The following ELP4 variants were observed in gnomAD, a reference collection of about 807,000 sequenced individuals.
ELP4 encodes the protein elongator complex protein 4.
A neutral mutation model predicts 48.9 loss-of-function variants in ELP4; 51 were observed. The observed-to-expected ratio is 1.04, with a 90% CI of 0.83 to 1.32. The LOEUF (loss-of-function observed/expected upper bound fraction) is 1.32. ELP4 is among the 40% of genes most tolerant of loss of function. ELP4 has a pLI of 0.00. For synonymous variants in ELP4, 210 were observed against 189.2 expected (o/e 1.11, Z -0.90); for missense variants, 519 against 514.6 (o/e 1.01, Z -0.08).
intron 9 of ELP4, among the ~76,000 whole-genome samples, chr11:31,657,591 A>G (rs1945463588): frequency 6.6e-6 from 1 of 152,008 alleles, no homozygotes; most frequent in Non-Finnish European, 1.5e-5. Context: ...TTAAAAACAT[A>G]TATTTGGTAT....
intron 4 of ELP4, 66 bp from the exon 5 acceptor site, chr11:31,603,702 G>T: frequency 1.3e-6 from 2 of 1,539,302 alleles, no homozygotes; most frequent in South Asian, 2.4e-5. Flanking sequence ...TTTGCTGGAT[G>T]TAGGACAAAT....
chr11:31,549,044 C>T (rs11500251), intron 3 of ELP4, among the ~76,000 whole-genome samples: 54,960 of 151,028 alleles, frequency 0.36, 12,429 homozygotes, highest in African/African-American at 0.65. Context: ...TAGAAGAAAA[C>T]GTAGGCAATA....
chr11:31,639,132 A>G (rs933048996), intron 7 of ELP4, among the ~76,000 whole-genome samples: 119 of 151,792 alleles, frequency 7.8e-4, no homozygotes, highest in African/African-American at 2.8e-3. Flanking sequence ...ATAAAGCCAG[A>G]TATTCAGAGT....
chr11:31,686,477 G>A (rs760746921), intron 9 of ELP4, among the ~76,000 whole-genome samples: 1 of 152,102 alleles, frequency 6.6e-6, no homozygotes, highest in Non-Finnish European at 1.5e-5. Flanking sequence ...TCTGAGAGAG[G>A]CAGATCATGA....
intron 2 of ELP4, among the ~76,000 whole-genome samples, chr11:31,523,378 T>C (rs892869699): frequency 6.6e-5 from 10 of 152,210 alleles, no homozygotes; most frequent in Non-Finnish European, 1.2e-4. Context: ...GAAGATTATT[T>C]ACATTAATAA....
intron 9 of ELP4, among the ~76,000 whole-genome samples, chr11:31,710,716 G>A (rs1231937762): frequency 1.3e-5 from 2 of 151,986 alleles, no homozygotes; most frequent in African/African-American, 2.4e-5. Flanking sequence ...AGAGTTCATT[G>A]GCATAAATGG....
chr11:31,542,446 A>G lies in ELP4; in HGVS notation c.381+2663A>G, dbSNP rs189481908. Among the ~76,000 whole-genome samples the G allele has an allele frequency of 9.6e-4, 147 of 152,350 alleles. 1 individual carries two copies. The highest frequency in any genetic ancestry group is 3.4e-3 in the African/African-American group (140 of 41,572). ...GAGGAGATGGCCTGAGGCTAGAGAAAGAACTACCTGACAATATTAGAAGTA... is the reference window on the plus strand; with the variant it reads ...GAGGAGATGGCCTGAGGCTAGAGAAGGAACTACCTGACAATATTAGAAGTA... On this transcript the variant is annotated intron_variant, in intron 3 of 9. Coordinates refer to ENST00000640961, the MANE Select transcript of ELP4 (RefSeq NM_019040.5).
At chr11:31,650,429 A>C in intron 9 of ELP4, 2 of 381,930 alleles carry the variant, frequency 5.2e-6, no homozygotes, top group Non-Finnish European at 9.3e-6. Flanking sequence ...AGTATGGCAA[A>C]GATGATTTTC....
chr11:31,636,649 A>G (rs1470313614), intron 7 of ELP4, among the ~76,000 whole-genome samples: 4 of 151,938 alleles, frequency 2.6e-5, no homozygotes, highest in Non-Finnish European at 5.9e-5. Context: ...ACTTATTGTT[A>G]TAATAAGACT....
chr11:31,756,655 C>T (rs1251653729), intron 9 of ELP4, among the ~76,000 whole-genome samples: 1 of 151,692 alleles, frequency 6.6e-6, no homozygotes, highest in East Asian at 1.9e-4. Flanking sequence ...TGGTGGTGCT[C>T]AATAAACATT....
chr11:31,739,312 A>G (rs964682487), intron 9 of ELP4, among the ~76,000 whole-genome samples: 2 of 152,184 alleles, frequency 1.3e-5, no homozygotes, highest in African/African-American at 4.8e-5. Flanking sequence ...TTCATTTTCA[A>G]AGTGTGAGAC....
chr11:31,509,819 C>T lies in ELP4; in HGVS notation c.35C>T (p.Ala12Val). The stretch of plus-strand genomic sequence containing the variant: ...GTGGCAACCTGCGGTAGTGTTGCCG[C>T]GAGTACTGGGTCTGCAGTGGCGACA... ...AAVATCGSVA[A>V]STGSAVATAS... The change falls in exon 1 of 10, where the codon GCG (alanine) becomes GTG (valine). Residue 12 changes from alanine to valine, a missense_variant. Transcript: ENST00000640961. 1.9e-6 allele frequency: 3 copies of T among 1,614,134 alleles called. No individual in the cohort carries two copies. Among genetic ancestry groups the T allele is most frequent in the Non-Finnish European group, 2.5e-6 (3 of 1,180,030 alleles).
intron 2 of ELP4, 66 bp from the exon 3 acceptor site, chr11:31,539,596 C>T (rs1956561008): frequency 2.7e-6 from 4 of 1,486,148 alleles, no homozygotes; most frequent in Non-Finnish European, 1.8e-6. Context: ...AGTGTGCTTG[C>T]TGTTTGATAG....
chr11:31,627,999 G>A (rs1455793692), intron 6 of ELP4, among the ~76,000 whole-genome samples: 1 of 151,932 alleles, frequency 6.6e-6, no homozygotes, highest in Non-Finnish European at 1.5e-5. Context: ...ATATTTAACA[G>A]GTTTTCCATG....
chr11:31,692,235 A>T (rs1220195091), intron 9 of ELP4, among the ~76,000 whole-genome samples: 1 of 152,178 alleles, frequency 6.6e-6, no homozygotes, highest in Admixed American at 6.6e-5. Context: ...TATATTATTA[A>T]TGTAGCCCAA....
chr11:31,665,838 A>T (rs567390966), intron 9 of ELP4, among the ~76,000 whole-genome samples: 79 of 150,844 alleles, frequency 5.2e-4, no homozygotes, highest in South Asian at 1.3e-3. Flanking sequence ...TATTTTTTGT[A>T]GAGACAGGGT....
At chr11:31,541,912 T>C (rs1408214864) in intron 3 of ELP4, among the ~76,000 whole-genome samples, 1 of 152,232 alleles carries the variant, frequency 6.6e-6, no homozygotes, top group Non-Finnish European at 1.5e-5. Context: ...AGTCATACAA[T>C]AATTTTATGA....
intron 3 of ELP4, among the ~76,000 whole-genome samples, chr11:31,592,157 G>A (rs985881657): frequency 1.6e-4 from 24 of 152,176 alleles, no homozygotes; most frequent in Non-Finnish European, 2.6e-4. Flanking sequence ...GGTAGATAGT[G>A]GTGATGGTTA....
chr11:31,665,777 C>G (rs1945660190), intron 9 of ELP4, among the ~76,000 whole-genome samples: 1 of 150,048 alleles, frequency 6.7e-6, no homozygotes. Context: ...TCCTCAGCCT[C>G]CCAAGTAGCT....
Sources: allele counts gnomAD v4.1 joint callset (sites outside exome capture counted in the v4.1 genomes callset), GRCh38; gene constraint gnomAD v4.1.1; transcripts MANE v1.5; gene names NCBI Gene and HGNC (gene_info 2026-07-23, HGNC 2026-07-21).